Variants in TANGO6 observed in about 807,000 individuals in gnomAD.
TANGO6 encodes the protein transport and Golgi organization protein 6 homolog.
A neutral mutation model predicts 114.2 loss-of-function variants in TANGO6; 90 were observed. The ratio of observed to expected loss-of-function variants is 0.79; its 90% CI spans 0.66 to 0.94. TANGO6 has a LOEUF of 0.94. Among genes scored for constraint, TANGO6 ranks in the 40% least tolerant of loss-of-function variants. The pLI, the probability that TANGO6 is intolerant of heterozygous loss-of-function variation, is 0.00. For missense variants in TANGO6, 1,274 were observed against 1,315.3 expected, an observed-to-expected ratio of 0.97 and a Z score of 0.49; for synonymous variants, 477 against 509.8, an observed-to-expected ratio of 0.94 and a Z score of 0.87.
chr16:69,009,439 G>A lies in TANGO6; in HGVS notation c.2843-13389G>A, dbSNP rs1964125942. ...TATTGATTTACCTATTATTAGGCCG[G>A]TATATACTATCTTGATTATTGTAGA... On this transcript the variant is annotated intron_variant, in intron 15 of 17. Transcript: ENST00000261778. Among the ~76,000 whole-genome samples, 3 of 152,224 alleles carry A rather than the reference G, an allele frequency of 2.0e-5. No individual in the cohort carries two copies. The South Asian group carries it at 6.2e-4, about 32-fold the overall frequency.
chr16:68,967,217 G>A (rs566433048), intron 14 of TANGO6, among the ~76,000 whole-genome samples: 2 of 152,314 alleles, frequency 1.3e-5, no homozygotes, highest in South Asian at 2.1e-4. Flanking sequence ...GACGGTGTTG[G>A]GAGGGCGGGG....
chr16:69,009,957 T>C (rs1246837589), intron 15 of TANGO6, among the ~76,000 whole-genome samples: 1 of 152,206 alleles, frequency 6.6e-6, no homozygotes, highest in African/African-American at 2.4e-5. Flanking sequence ...GTGTCAGTGC[T>C]GCTAAGCTGG....
At chr16:68,905,006 T>A (rs1301451785) in intron 9 of TANGO6, among the ~76,000 whole-genome samples, 1 of 151,742 alleles carries the variant, frequency 6.6e-6, no homozygotes, top group African/African-American at 2.4e-5. Flanking sequence ...GCGGATCACC[T>A]GAGGTCAAGA....
rs771226457 is a variant in TANGO6 at position 68,909,395 on chromosome 16, T to C, written c.1985T>C (p.Val662Ala). The change falls in exon 11 of 18, where the codon GTC becomes GCC. Residue 662 changes from valine to alanine, a missense_variant. Val to Ala is a moderately conservative substitution (Grantham distance 64). Around this residue, in one of 5 missense-constraint regions of TANGO6, gnomAD observed 908 missense variants for 910.2 expected, o/e 1.00. Coordinates refer to ENST00000261778, the MANE Select transcript of TANGO6 (RefSeq NM_024562.2). Reference protein sequence around the residue: ...ERMSEQIFTNVTQVVDFVAAT... With the variant: ...ERMSEQIFTNATQVVDFVAAT... Reference sequence around the variant, plus strand: ...ATGTCTGAGCAGATATTCACAAACGTCACTCAGGTCAGTAGTTGCCACATT... The same window carrying C: ...ATGTCTGAGCAGATATTCACAAACGCCACTCAGGTCAGTAGTTGCCACATT... The C allele has an allele frequency of 2.0e-6, 3 of 1,529,896 alleles. No homozygotes were observed. The highest frequency in any genetic ancestry group is 2.6e-6 in the Non-Finnish European group (3 of 1,133,002). 94.8% of individuals were successfully genotyped at this position (1,529,896 alleles called of 1,614,324 possible).
At chr16:69,073,638 C>T (rs1196111648) in intron 17 of TANGO6, among the ~76,000 whole-genome samples, 3 of 152,158 alleles carry the variant, frequency 2.0e-5, no homozygotes, top group Non-Finnish European at 4.4e-5. Context: ...AAAAATAAGA[C>T]TTCCTTGCCC....
intron 1 of TANGO6, among the ~76,000 whole-genome samples, chr16:68,854,526 T>C (rs1389104570): frequency 6.6e-6 from 1 of 152,164 alleles, no homozygotes; most frequent in Admixed American, 6.5e-5. Context: ...GACTTTCTTC[T>C]GTGTTTTCTT....
intron 1 of TANGO6, among the ~76,000 whole-genome samples, chr16:68,849,582 C>T (rs75124883): frequency 0.096 from 14,569 of 151,914 alleles, 796 homozygotes; most frequent in Non-Finnish European, 0.13. Context: ...GTCAGCTGAG[C>T]CCCGGAGTTT....
At chr16:68,966,770 ATTT>A (rs772432410) in intron 14 of TANGO6, among the ~76,000 whole-genome samples, 53 of 129,038 alleles carry the variant, frequency 4.1e-4, no homozygotes, top group Middle Eastern at 3.8e-3. Context: ...TGTCTGGCTA[ATTT>A]TTTTTTTTTT....
intron 15 of TANGO6, among the ~76,000 whole-genome samples, chr16:68,999,342 A>G (rs897304418): frequency 6.6e-6 from 1 of 152,152 alleles, no homozygotes; most frequent in African/African-American, 2.4e-5. Flanking sequence ...GCAGGTCAGG[A>G]ACTCTGTACA....
At chr16:68,916,524 A>T (rs1334754900) in intron 11 of TANGO6, among the ~76,000 whole-genome samples, 1 of 151,684 alleles carries the variant, frequency 6.6e-6, no homozygotes, top group African/African-American at 2.4e-5. Context: ...CCTGGTGCCA[A>T]AAGGGTTGGG....
Position 68,862,977 on chromosome 16 carries a change from G to T in TANGO6, c.768G>T (p.Arg256Ser). The T allele has an allele frequency of 1.3e-6, 2 of 1,599,608 alleles. No homozygotes were observed. Among genetic ancestry groups the T allele is most frequent in the East Asian group, 2.2e-5 (1 of 44,456 alleles). ...VLTEEERTLS[R>S]GALRDMLDQV... is the part of the protein sequence containing the mutation. ...CTGAAGAGGAGAGAACCCTATCCAG[G>T]GGGGCCTTGAGAGACATGCTGGATC... Residue 256 changes from arginine (R) to serine (S), a missense_variant, in exon 3 of 18, where the codon AGG (arginine) becomes AGT (serine). Physicochemically the swap from Arg to Ser is moderately radical, Grantham distance 110. Around this residue, in one of 5 missense-constraint regions of TANGO6, gnomAD observed 908 missense variants for 910.2 expected, o/e 1.00. Transcript: ENST00000261778.
chr16:68,875,573 C>A (rs1023256700), intron 5 of TANGO6, among the ~76,000 whole-genome samples: 3 of 152,058 alleles, frequency 2.0e-5, no homozygotes, highest in African/African-American at 7.2e-5. Context: ...TCGAGATTAG[C>A]CTGACCAACA....
intron 2 of TANGO6, 79 bp from the exon 3 acceptor site, chr16:68,862,866 T>C (rs1219212802): frequency 2.2e-6 from 2 of 911,514 alleles, no homozygotes; most frequent in Non-Finnish European, 3.5e-6. Context: ...CAAGTATCTC[T>C]GTACAGTGTT....
At chr16:68,848,764 G>A (rs1237104881) in intron 1 of TANGO6, among the ~76,000 whole-genome samples, 1 of 151,952 alleles carries the variant, frequency 6.6e-6, no homozygotes, top group African/African-American at 2.4e-5. Context: ...GATCTTTTTT[G>A]TTGTATTATG....
chr16:68,916,800 G>A (rs1287668335), intron 11 of TANGO6, among the ~76,000 whole-genome samples: 1 of 151,956 alleles, frequency 6.6e-6, no homozygotes, highest in Non-Finnish European at 1.5e-5. Flanking sequence ...GAACAGAAGA[G>A]ACAGAGATTT....
intron 2 of TANGO6, among the ~76,000 whole-genome samples, chr16:68,861,113 T>G (rs773865556): frequency 6.6e-6 from 1 of 152,158 alleles, no homozygotes; most frequent in Non-Finnish European, 1.5e-5. Context: ...CATAGACACA[T>G]AAGACATGGT....
At position 68,879,678 on chromosome 16, in the gene TANGO6, A is replaced by C. The variant is rs548137549; in HGVS notation, c.1295-870A>C. On this transcript the variant is annotated intron_variant, in intron 6 of 17. Transcript: ENST00000261778. The stretch of plus-strand genomic sequence containing the variant: ...GTCACCCAGGCTGGAGTGCAGTGGC[A>C]TGATCTCGGCTCACTGCAAGCTCTG... Among the ~76,000 whole-genome samples the C allele has an allele frequency of 5.5e-3, 819 of 147,624 alleles. 5 individuals carry two copies. Among genetic ancestry groups the C allele is most frequent in the Admixed American group, 8.7e-3 (127 of 14,608 alleles).
intron 15 of TANGO6, among the ~76,000 whole-genome samples, chr16:69,012,280 G>T (rs1247851117): frequency 6.6e-6 from 1 of 152,072 alleles, no homozygotes; most frequent in Admixed American, 6.6e-5. Flanking sequence ...GAGGAGGTTG[G>T]GCACGGTGGC....
intron 16 of TANGO6, among the ~76,000 whole-genome samples, chr16:69,023,506 C>G (rs2152228406): frequency 6.6e-6 from 1 of 152,126 alleles, no homozygotes; most frequent in Non-Finnish European, 1.5e-5. Context: ...ATAGTTGCAG[C>G]TGAGAGAAAG....
Sources: gnomAD v4.1 joint callset for allele counts (sites outside exome capture counted in the v4.1 genomes callset) on GRCh38, gnomAD v4.1.1 for gene constraint, gnomAD v4.1.1 regional missense constraint, MANE v1.5 for transcripts, NCBI Gene and HGNC (gene_info 2026-07-23, HGNC 2026-07-21) for gene names.